The following CRISPLD1 variants were observed in gnomAD, a reference collection of about 807,000 sequenced individuals.
The protein encoded by CRISPLD1 is cysteine rich secretory protein LCCL domain containing 1, also known as cysteine-rich secretory protein LCCL domain-containing 1.
A neutral mutation model predicts 77.5 loss-of-function variants in CRISPLD1; 60 were observed. That is an observed-to-expected ratio of 0.77 (90% CI 0.63 to 0.96). CRISPLD1 has a LOEUF of 0.96. Ranked by LOEUF, CRISPLD1 falls within the 40% of genes least tolerant of loss-of-function variation. The pLI is 0.00. For missense variants in CRISPLD1, 623 were observed against 615.8 expected, an observed-to-expected ratio of 1.01 and a Z score of -0.12; for synonymous variants, 195 against 200.1, an observed-to-expected ratio of 0.97 and a Z score of 0.22.
chr8:74,999,012 T>C (rs1276123563), intron 2 of CRISPLD1, among the ~76,000 whole-genome samples: 2 of 152,238 alleles, frequency 1.3e-5, no homozygotes, highest in East Asian at 1.9e-4. Flanking sequence ...GGGGCTCATA[T>C]TGCAGATTGA....
intron 2 of CRISPLD1, among the ~76,000 whole-genome samples, chr8:74,986,677 T>C (rs557969145): frequency 1.2e-4 from 18 of 152,374 alleles, no homozygotes; most frequent in African/African-American, 4.1e-4. Flanking sequence ...AATGGGTCTT[T>C]GTTTCTTATA....
At chr8:75,009,474 G>T (rs1202623514) in intron 2 of CRISPLD1, among the ~76,000 whole-genome samples, 1 of 151,852 alleles carries the variant, frequency 6.6e-6, no homozygotes, top group East Asian at 1.9e-4. Context: ...GGTGGAAAGG[G>T]TATTTTAAAA....
intron 2 of CRISPLD1, among the ~76,000 whole-genome samples, chr8:75,005,606 A>G (rs146215461): frequency 9.9e-5 from 15 of 152,198 alleles, no homozygotes; most frequent in Middle Eastern, 3.4e-3. Context: ...GCATAATTCT[A>G]TCATTACTTC....
intron 2 of CRISPLD1, among the ~76,000 whole-genome samples, chr8:74,994,933 G>T (rs911494259): frequency 6.6e-6 from 1 of 152,128 alleles, no homozygotes; most frequent in Non-Finnish European, 1.5e-5. Flanking sequence ...AAGATGGGGC[G>T]CAGTGTGAGA....
At chr8:75,019,656 A>C (rs937493188) in intron 10 of CRISPLD1, among the ~76,000 whole-genome samples, 1 of 152,076 alleles carries the variant, frequency 6.6e-6, no homozygotes, top group Non-Finnish European at 1.5e-5. Flanking sequence ...TAATGAAAAG[A>C]GATTACCGGA....
intron 2 of CRISPLD1, among the ~76,000 whole-genome samples, chr8:74,999,069 T>C (rs1256232938): frequency 6.6e-6 from 1 of 152,176 alleles, no homozygotes; most frequent in East Asian, 1.9e-4. Context: ...ATGAAAATTA[T>C]TTAACTGTTG....
intron 2 of CRISPLD1, among the ~76,000 whole-genome samples, chr8:75,007,612 C>T (rs555395628): frequency 5.5e-4 from 83 of 149,800 alleles, no homozygotes; most frequent in Admixed American, 1.4e-3. Context: ...CTCTGTCACC[C>T]AGGCTGGAGT....
At chr8:75,028,497 T>G (rs1470014929) in intron 13 of CRISPLD1, among the ~76,000 whole-genome samples, 1 of 152,210 alleles carries the variant, frequency 6.6e-6, no homozygotes, top group African/African-American at 2.4e-5. Context: ...TTTGGTTGGA[T>G]TTCCTTGGAT....
At chr8:75,012,693 C>T in intron 3 of CRISPLD1, 142 bp downstream of exon 3, 1 of 812,542 alleles carries the variant, frequency 1.2e-6, no homozygotes, top group Middle Eastern at 3.2e-4. Context: ...ATAAATGCCA[C>T]ACCAGAACAA....
intron 2 of CRISPLD1, among the ~76,000 whole-genome samples, chr8:74,993,913 A>G (rs1587005447): frequency 6.6e-6 from 1 of 152,230 alleles, no homozygotes; most frequent in South Asian, 2.1e-4. Flanking sequence ...CAGGGTGCCC[A>G]TGTGGCAGAC....
At chr8:75,015,490 A>G (rs1813012095) in intron 6 of CRISPLD1, among the ~76,000 whole-genome samples, 1 of 152,214 alleles carries the variant, frequency 6.6e-6, no homozygotes, top group Non-Finnish European at 1.5e-5. Context: ...TGTCCTGTTT[A>G]TAGCACATAA....
In CRISPLD1 at chr8:75,032,258, A is replaced by G. The variant is rs372933592; in HGVS notation, c.*16A>G. On this transcript the variant is annotated 3_prime_UTR_variant, in exon 15 of 15. Transcript: ENST00000262207. Reference sequence around the variant, plus strand: ...TGTTGTGTGAAACTGAATACTTGGAAGAGGACCATAAAGACTATTCCAAAT... The same window carrying G: ...TGTTGTGTGAAACTGAATACTTGGAGGAGGACCATAAAGACTATTCCAAAT... 1.3e-6 allele frequency: 2 copies of G among 1,590,338 alleles called. No individual in the cohort carries two copies. The highest frequency in any genetic ancestry group is 8.6e-7 in the Non-Finnish European group (1 of 1,161,394).
chr8:75,013,528 G>T (rs1455794), intron 4 of CRISPLD1, among the ~76,000 whole-genome samples: 11,320 of 152,080 alleles, frequency 0.074, 459 homozygotes, highest in South Asian at 0.092. Flanking sequence ...GTATGCTTTT[G>T]CATGTGATAA....
At chr8:75,028,233 G>A (rs1158044821) in intron 13 of CRISPLD1, among the ~76,000 whole-genome samples, 1 of 152,054 alleles carries the variant, frequency 6.6e-6, no homozygotes, top group Non-Finnish European at 1.5e-5. Context: ...GGTATTTTGC[G>A]ATACAGCAAA....
In CRISPLD1 at chr8:75,016,800, A is replaced by G. The variant is rs1813037396; in HGVS notation, c.869-81A>G. 2.6e-6 allele frequency: 4 copies of G among 1,542,928 alleles called. No individual in the cohort carries two copies. The African/African-American group carries it at 5.6e-5, about 21-fold the overall frequency. On this transcript the variant is annotated intron_variant, in intron 7 of 14. Transcript: ENST00000262207. ...ATTTGAACATTTTTAGAATGGAAAAAATTTTGTCATTAGGCTATATATAAT... is the reference window on the plus strand; with the variant it reads ...ATTTGAACATTTTTAGAATGGAAAAGATTTTGTCATTAGGCTATATATAAT...
In CRISPLD1 at chr8:74,986,086, G is replaced by T. The variant is rs762231023; in HGVS notation, c.99G>T (p.Glu33Asp). The T allele has an allele frequency of 1.9e-6, 3 of 1,614,084 alleles. No homozygotes were observed. The highest frequency in any genetic ancestry group is 1.1e-5 in the South Asian group (1 of 91,080). ...TGGTTCCCAATGCCACTTTATTGGAGAAACTTTTGGAAAAATACATGGATG... is the reference window on the plus strand; with the variant it reads ...TGGTTCCCAATGCCACTTTATTGGATAAACTTTTGGAAAAATACATGGATG... ...AMVVPNATLL[E>D]KLLEKYMDED... The change falls in exon 2 of 15, where the codon GAG (glutamate) becomes GAT (aspartate). Residue 33 changes from glutamate (E) to aspartate (D), a missense_variant. Physicochemically the swap from Glu to Asp is conservative, Grantham distance 45. Transcript: ENST00000262207.
At chr8:75,013,886 G>A (rs976870690) in intron 4 of CRISPLD1, 101 bp from the exon 5 acceptor site, 31 of 748,802 alleles carry the variant, frequency 4.1e-5, no homozygotes, top group South Asian at 3.0e-4. Flanking sequence ...AATGATAAAC[G>A]TTGGCTTCTC....
At chr8:75,008,334 C>CT (rs1452905895) in intron 2 of CRISPLD1, among the ~76,000 whole-genome samples, 1 of 152,102 alleles carries the variant, frequency 6.6e-6, no homozygotes, top group East Asian at 1.9e-4. Context: ...AAAAGAAGCT[C>CT]TTTGGGCCAT....
intron 2 of CRISPLD1, among the ~76,000 whole-genome samples, chr8:75,000,915 A>G (rs1812728916): frequency 6.6e-6 from 1 of 152,280 alleles, no homozygotes; most frequent in East Asian, 1.9e-4. Flanking sequence ...GACAGAATAA[A>G]AAGGATTGAA....
Sources: allele counts gnomAD v4.1 joint callset (sites outside exome capture counted in the v4.1 genomes callset), GRCh38; gene constraint gnomAD v4.1.1; transcripts MANE v1.5; gene names NCBI Gene and HGNC (gene_info 2026-07-23, HGNC 2026-07-21).